Variants in SEMA4C observed in about 807,000 individuals in gnomAD.
SEMA4C encodes the protein semaphorin 4C.
SEMA4C carries 19 observed loss-of-function variants against 89.0 expected under a neutral mutation model. The ratio of observed to expected loss-of-function variants is 0.21; its 90% CI spans 0.15 to 0.31. The LOEUF (loss-of-function observed/expected upper bound fraction) is 0.31. SEMA4C is among the 10% of genes least tolerant of loss of function. SEMA4C has a pLI of 1.00. For missense variants in SEMA4C, 811 were observed against 1,107.0 expected (o/e 0.73, Z 3.79); for synonymous variants, 428 against 472.7 (o/e 0.91, Z 1.23).
Position 96,867,830 on chromosome 2 carries a change from A to T in SEMA4C, c.57T>A (p.Ile19=), listed in dbSNP as rs1298741915. 6.2e-7 allele frequency: 1 copy of T among 1,613,658 alleles called. No individual in the cohort carries two copies. The highest frequency in any genetic ancestry group is 8.5e-7 in the Non-Finnish European group (1 of 1,179,958). ...LLAARLWGLG[I]GAEVWWNLVP... ...CAAGGTTCCACCACACCTCAGCCCC[A>T]ATGCCCAGGCCCCACAGCCTTGCTG... Residue 19 remains isoleucine, a synonymous_variant, in exon 2 of 15, where the codon ATT becomes ATA. Transcript: ENST00000305476.
chr2:96,867,266 C>T (rs1032607847), intron 2 of SEMA4C, among the ~76,000 whole-genome samples: 10 of 152,144 alleles, frequency 6.6e-5, no homozygotes, highest in Admixed American at 4.6e-4. Flanking sequence ...GTCCCCAGAG[C>T]GCACGGCTGA....
Position 96,869,570 on chromosome 2 carries a change from G to A in SEMA4C, c.-38+306C>T, listed in dbSNP as rs2153366090. On this transcript the variant is annotated intron_variant, in intron 1 of 14. Transcript: ENST00000305476. ...TCCATCGGGGGTGGGAGCGCCGAGG[G>A]CAGTCCAGGAGCCTGGCGAGGATCC... 3.0e-6 allele frequency: 3 copies of A among 985,290 alleles called. No homozygotes were observed. The South Asian group carries it at 1.4e-4, about 46-fold the overall frequency. The allele number at this position is 985,290 out of a possible 1,614,324, so 61.0% of individuals were successfully genotyped here.
chr2:96,870,778 G>T (rs137905892), upstream of SEMA4C: 1,466 of 984,990 alleles, frequency 1.5e-3, 16 homozygotes, highest in African/African-American at 0.024. Flanking sequence ...GAAAGGGGCT[G>T]TGGGGAGCCA....
rs770067746 is a variant in SEMA4C, at chr2:96,861,944, G to A, written c.1444-50C>T. ...GGGGGGTCGGCCAGGGCCACACCAC[G>A]GGAGGGGCGGCCGGACCAGAACGCA... is the stretch of plus-strand genomic sequence containing the variant. On this transcript the variant is annotated intron_variant, in intron 12 of 14. Transcript: ENST00000305476. The surrounding 1 kb of genome is among the most constrained non-coding windows in gnomAD (Gnocchi z 7.8). 35 of 1,551,682 alleles carry A rather than the reference G, an allele frequency of 2.3e-5. No homozygotes were observed. The highest frequency in any genetic ancestry group is 7.7e-5 in the Admixed American group (4 of 52,244).
At chr2:96,870,086 G>A, upstream of SEMA4C, 4 of 964,250 alleles carry the variant, frequency 4.1e-6, no homozygotes, top group South Asian at 1.4e-4. Context: ...TCTCCAGCGC[G>A]GCCGCGGCTC....
At chr2:96,863,623 TGGAG>T in intron 12 of SEMA4C, 55 bp downstream of exon 12, 11 of 1,504,874 alleles carry the variant, frequency 7.3e-6, no homozygotes, top group Non-Finnish European at 1.0e-5. Context: ...AGCAGCCAGA[TGGAG>T]AGAGTGAGAT....
chr2:96,868,924 G>T (rs958707510), intron 1 of SEMA4C: 1 of 985,408 alleles, frequency 1.0e-6, no homozygotes, highest in African/African-American at 1.7e-5. Context: ...CAGCCTTCCC[G>T]TGCCAGGGGC....
At position 96,865,078 on chromosome 2, in the gene SEMA4C, A is replaced by G. The variant is rs750205318; in HGVS notation, c.672T>C (p.Ser224=). 1.9e-6 allele frequency: 3 copies of G among 1,561,714 alleles called. No homozygotes were observed. The highest frequency in any genetic ancestry group is 2.6e-6 in the Non-Finnish European group (3 of 1,152,836). The part of the protein sequence containing the change: ...HFVGSAYVPE[S]VGSFTGDDDK... ...CGTCGTCCCCCGTGAAGCTGCCCACACTCTCAGGTACATAGGCAGAGCCTA... is the reference window on the plus strand; with the variant it reads ...CGTCGTCCCCCGTGAAGCTGCCCACGCTCTCAGGTACATAGGCAGAGCCTA... The change falls in exon 8 of 15, where the codon AGT becomes AGC. Residue 224 remains serine (S), a synonymous_variant. Coordinates refer to ENST00000305476, the MANE Select transcript of SEMA4C (RefSeq NM_017789.5).
Position 96,860,633 on chromosome 2 carries a change from G to A in SEMA4C, c.2495C>T (p.Ser832Leu). The change falls in exon 15 of 15, where the codon TCA becomes TTA. Residue 832 changes from serine to leucine, a missense_variant. Physicochemically the swap from Ser to Leu is moderately radical, Grantham distance 145 (BLOSUM62 -2). Transcript: ENST00000305476. ...ACGCGGTGGGGGTTCCCCTCATACT[G>A]ATGACTCCTCGGGGTTGGAGTCGGG... Reference protein sequence around the residue: ...PLPDSNPEESSV With the variant: ...PLPDSNPEESLV 6.2e-7 allele frequency: 1 copy of A among 1,605,886 alleles called. No individual in the cohort carries two copies. The highest frequency in any genetic ancestry group is 8.5e-7 in the Non-Finnish European group (1 of 1,175,308).
Position 96,860,523 on chromosome 2 carries a change from A to T in SEMA4C, c.*103T>A. On this transcript the variant is annotated 3_prime_UTR_variant, in exon 15 of 15. Coordinates refer to ENST00000305476, the MANE Select transcript of SEMA4C (RefSeq NM_017789.5). ...GTGGGTGCTGGGCAGTATCTGTCCC[A>T]GACAGAGCAGGTGCCCGTGCCATGT... The T allele has an allele frequency of 9.4e-7, 1 of 1,062,442 alleles. No homozygotes were observed. The highest frequency in any genetic ancestry group is 1.4e-6 in the Non-Finnish European group (1 of 735,870). 65.8% of individuals were successfully genotyped at this position (1,062,442 alleles called of 1,614,324 possible).
chr2:96,864,412 GGTA>G lies in SEMA4C; in HGVS notation c.963-33_963-31del, dbSNP rs2080022175. Reference sequence around the variant, plus strand: ...CACAGCGAGAGGGAGCCCAGGGTCAGGTACCCACCTTATCTCTTCCCACCCCAG... The same window carrying G: ...CACAGCGAGAGGGAGCCCAGGGTCAGCCCACCTTATCTCTTCCCACCCCAG... On this transcript the variant is annotated intron_variant, in intron 9 of 14. Transcript: ENST00000305476. The surrounding 1 kb of genome is among the most constrained non-coding windows in gnomAD (Gnocchi z 6.3). 1.2e-6 allele frequency: 2 copies of G among 1,610,622 alleles called. No homozygotes were observed. The highest frequency in any genetic ancestry group is 1.7e-6 in the Non-Finnish European group (2 of 1,179,754).
intron 1 of SEMA4C, chr2:96,868,997 C>G: frequency 1.0e-6 from 1 of 985,392 alleles, no homozygotes; most frequent in Non-Finnish European, 1.2e-6. Context: ...AGACCCCGTC[C>G]CGGGTCCCCC....
Position 96,865,307 on chromosome 2 carries a change from G to C in SEMA4C, c.531C>G (p.Tyr177Ter). 1 of 1,614,232 alleles carries C rather than the reference G, an allele frequency of 6.2e-7. No homozygotes were observed. The highest frequency in any genetic ancestry group is 8.5e-7 in the Non-Finnish European group (1 of 1,180,042). ...HAGLLVDGELYSATLNNFLGT... is the reference protein window; with the variant it reads ...HAGLLVDGEL ...CCAGGAAGTTGTTGAGTGTGGCCGA[G>C]TACAGCTCACCATCTATGGGAGACA... is the stretch of plus-strand genomic sequence containing the variant. The change falls in exon 7 of 15, where the codon TAC becomes TAG. Residue 177 changes from tyrosine to a stop codon, truncating the protein, a stop_gained. Transcript: ENST00000305476. LOFTEE classifies it high-confidence loss of function.
intron 1 of SEMA4C, 34 bp from the exon 2 acceptor site, chr2:96,867,957 G>A (rs1475942960): frequency 1.2e-5 from 20 of 1,609,010 alleles, no homozygotes; most frequent in Non-Finnish European, 1.6e-5. Flanking sequence ...AGAAATCACA[G>A]CCAGAGAAAG....
In SEMA4C at chr2:96,863,686, C is replaced by T. The variant is rs753796093; in HGVS notation, c.1439G>A (p.Ser480Asn). Residue 480 changes from serine to asparagine, a missense_variant, in exon 12 of 15, where the codon AGC (serine) becomes AAC (asparagine). Physicochemically the swap from Ser to Asn is conservative, Grantham distance 46 (BLOSUM62 1). Coordinates refer to ENST00000305476, the MANE Select transcript of SEMA4C (RefSeq NM_017789.5). Reference sequence around the variant, plus strand: ...AGATAGGGCCCAACTTACTACCTTGCTCTGAGATAGCACCAGGCTTCTCAT... The same window carrying T: ...AGATAGGGCCCAACTTACTACCTTGTTCTGAGATAGCACCAGGCTTCTCAT... ...EPMRSLVLSQ[S>N]KKLLFAGSRS... is the part of the protein sequence containing the mutation. 3.1e-6 allele frequency: 5 copies of T among 1,613,792 alleles called. No individual in the cohort carries two copies. In the South Asian group the frequency reaches 5.5e-5, roughly 18 times the overall value.
upstream of SEMA4C, chr2:96,870,463 C>T (rs2153366322): frequency 1.1e-6 from 1 of 937,608 alleles, no homozygotes; most frequent in Admixed American, 6.2e-5. Flanking sequence ...CAGGAACGAC[C>T]GCGGGCGAGC....
rs1330576805 is a variant in SEMA4C, at chr2:96,864,605, CG to C, written c.962+99del. Reference sequence around the variant, plus strand: ...CCTTGGCTTCTGGACACCTGGCTTCCGGGACTGCCTCTGAGGCCTGGTCCAG... The same window carrying C: ...CCTTGGCTTCTGGACACCTGGCTTCCGGACTGCCTCTGAGGCCTGGTCCAG... On this transcript the variant is annotated intron_variant, in intron 9 of 14. Coordinates refer to ENST00000305476, the MANE Select transcript of SEMA4C (RefSeq NM_017789.5). The surrounding 1 kb of genome is among the most constrained non-coding windows in gnomAD (Gnocchi z 6.3). 16 of 1,449,874 alleles carry C rather than the reference CG, an allele frequency of 1.1e-5. No homozygotes were observed. The Admixed American group carries it at 3.4e-4, about 30-fold the overall frequency. The allele number at this position is 1,449,874 out of a possible 1,614,324, so 89.8% of individuals were successfully genotyped here.
chr2:96,868,801 C>A, intron 1 of SEMA4C: 2 of 985,304 alleles, frequency 2.0e-6, no homozygotes, highest in Non-Finnish European at 2.4e-6. Context: ...CAACGCGCCG[C>A]GCACGGCCGG....
chr2:96,864,606 G>A lies in SEMA4C; in HGVS notation c.962+99C>T, dbSNP rs1559034051. On this transcript the variant is annotated intron_variant, in intron 9 of 14. Coordinates refer to ENST00000305476, the MANE Select transcript of SEMA4C (RefSeq NM_017789.5). The surrounding 1 kb of genome is among the most constrained non-coding windows in gnomAD (Gnocchi z 6.3). ...CTTGGCTTCTGGACACCTGGCTTCC[G>A]GGACTGCCTCTGAGGCCTGGTCCAG... is the stretch of plus-strand genomic sequence containing the variant. 1.3e-5 allele frequency: 19 copies of A among 1,450,936 alleles called. No individual in the cohort carries two copies. Among genetic ancestry groups the A allele is most frequent in the Admixed American group, 4.2e-5 (2 of 47,668 alleles). The allele number at this position is 1,450,936 out of a possible 1,614,324, so 89.9% of individuals were successfully genotyped here. A position where few individuals can be genotyped will look rare whatever the true frequency, so the allele number is the denominator to read the frequency against.
Sources: gnomAD v4.1 joint callset for allele counts (sites outside exome capture counted in the v4.1 genomes callset) on GRCh38, gnomAD v4.1.1 for gene constraint, Gnocchi (gnomAD v3.1) non-coding constraint, MANE v1.5 for transcripts, NCBI Gene and HGNC (gene_info 2026-07-23, HGNC 2026-07-21) for gene names.